CSMD1: variants seen among roughly 807,000 people sequenced by gnomAD.
The protein encoded by CSMD1 is CUB and sushi domain-containing protein 1.
CSMD1 carries 213 observed loss-of-function variants against 417.5 expected under a neutral mutation model. The ratio of observed to expected loss-of-function variants is 0.51; its 90% CI spans 0.46 to 0.57. The LOEUF (loss-of-function observed/expected upper bound fraction) is 0.57, where lower values mean the gene tolerates loss of function less well. Ranked by LOEUF, CSMD1 falls within the 20% of genes least tolerant of loss-of-function variation. The pLI, the probability that CSMD1 is intolerant of heterozygous loss-of-function variation, is 0.00. For synonymous variants in CSMD1, 2,862 were observed against 1,736.8 expected (o/e 1.65, Z -16.11); for missense variants, 6,923 against 4,529.7 (o/e 1.53, Z -15.17).
In CSMD1 at chr8:4,067,314, G is replaced by A. The variant is rs542550774; in HGVS notation, c.416-35215C>T. On this transcript the variant is annotated intron_variant, in intron 3 of 69. Transcript: ENST00000635120. ...CAAATCTCCGCCATACTAAATTTTC[G>A]TTAAGTAACGTTTTCAAGTAAGGTA... 1.3e-4 allele frequency among the ~76,000 whole-genome samples: 20 copies of A among 152,202 alleles called. No homozygotes were observed. The South Asian group carries it at 1.9e-3, about 14-fold the overall frequency.
chr8:4,753,403 C>CCACACACACA (rs71209121), intron 1 of CSMD1, among the ~76,000 whole-genome samples: 12 of 137,892 alleles, frequency 8.7e-5, no homozygotes, highest in East Asian at 2.0e-4. Context: ...CCACCATAAA[C>CCACACACACA]CACACACACA....
intron 3 of CSMD1, among the ~76,000 whole-genome samples, chr8:4,308,690 T>A (rs550250682): frequency 2.0e-5 from 3 of 152,232 alleles, no homozygotes; most frequent in Admixed American, 6.5e-5. Context: ...CTGGGTGCTT[T>A]TGGAGTTTAA....
chr8:3,387,310 A>G (rs1394582402), intron 18 of CSMD1, among the ~76,000 whole-genome samples, 184 bp downstream of exon 18: 1 of 152,210 alleles, frequency 6.6e-6, no homozygotes, highest in East Asian at 1.9e-4. Flanking sequence ...TCTAGTACAT[A>G]CACGGTGGTA....
chr8:4,002,983 C>T (rs1327589059), intron 4 of CSMD1, among the ~76,000 whole-genome samples: 3 of 151,992 alleles, frequency 2.0e-5, no homozygotes, highest in African/African-American at 7.3e-5. Context: ...GTAAACCAAT[C>T]TACCTGTTTA....
At chr8:3,898,715 T>C (rs1036440557) in intron 5 of CSMD1, among the ~76,000 whole-genome samples, 7 of 152,216 alleles carry the variant, frequency 4.6e-5, no homozygotes, top group Non-Finnish European at 1.0e-4. Context: ...GGTGTAGGAA[T>C]TCCTGAGCAG....
chr8:4,771,789 C>T (rs1160445434), intron 1 of CSMD1, among the ~76,000 whole-genome samples: 1 of 152,154 alleles, frequency 6.6e-6, no homozygotes, highest in South Asian at 2.1e-4. Flanking sequence ...TTTCCACATC[C>T]CTGATGTTCC....
At chr8:4,749,111 C>T (rs1032724053) in intron 1 of CSMD1, among the ~76,000 whole-genome samples, 1 of 152,206 alleles carries the variant, frequency 6.6e-6, no homozygotes, top group Admixed American at 6.5e-5. Flanking sequence ...ACTCGCTTTG[C>T]TAATTTCACT....
chr8:4,055,046 A>T (rs972665126), intron 3 of CSMD1, among the ~76,000 whole-genome samples: 1 of 152,194 alleles, frequency 6.6e-6, no homozygotes, highest in Non-Finnish European at 1.5e-5. Flanking sequence ...TTACATGAAT[A>T]TACTATATTC....
intron 3 of CSMD1, among the ~76,000 whole-genome samples, chr8:4,154,032 T>C (rs558719368): frequency 6.6e-5 from 10 of 152,308 alleles, no homozygotes; most frequent in South Asian, 4.1e-4. Flanking sequence ...TATTTTCAGC[T>C]TGCTGCCACA....
At chr8:3,872,388 C>A (rs915536341) in intron 5 of CSMD1, among the ~76,000 whole-genome samples, 3 of 152,140 alleles carry the variant, frequency 2.0e-5, no homozygotes, top group African/African-American at 7.2e-5. Context: ...TTCAGTGACT[C>A]TCAACTGTTC....
intron 6 of CSMD1, among the ~76,000 whole-genome samples, chr8:3,740,855 C>G (rs1333904087): frequency 6.6e-6 from 1 of 151,994 alleles, no homozygotes; most frequent in Non-Finnish European, 1.5e-5. Context: ...GAGAGTATAG[C>G]AGAGAGGATG....
chr8:3,267,306 C>G (rs1018613654), intron 26 of CSMD1, among the ~76,000 whole-genome samples: 3 of 152,206 alleles, frequency 2.0e-5, no homozygotes. Context: ...GGCGTGATAT[C>G]CCACTGGGTC....
intron 26 of CSMD1, among the ~76,000 whole-genome samples, chr8:3,253,206 C>T (rs1695562189): frequency 1.3e-5 from 2 of 151,864 alleles, no homozygotes; most frequent in South Asian, 4.2e-4. Context: ...TTGTATGTGT[C>T]CCAGAGATTC....
At chr8:3,088,872 A>C (rs553406178) in intron 48 of CSMD1, among the ~76,000 whole-genome samples, 1 of 152,076 alleles carries the variant, frequency 6.6e-6, no homozygotes, top group Non-Finnish European at 1.5e-5. Context: ...AAGTTAATAA[A>C]AAATAGAAGG....
At chr8:4,158,052 C>A (rs1176443409) in intron 3 of CSMD1, among the ~76,000 whole-genome samples, 2 of 151,980 alleles carry the variant, frequency 1.3e-5, no homozygotes, top group Non-Finnish European at 2.9e-5. Flanking sequence ...CTCCTGCTAC[C>A]CCTACCCCTG....
At chr8:4,177,166 C>A (rs550640657) in intron 3 of CSMD1, among the ~76,000 whole-genome samples, 2 of 152,228 alleles carry the variant, frequency 1.3e-5, no homozygotes, top group South Asian at 4.1e-4. Context: ...CCAAAATTGA[C>A]CACATAGCTG....
intron 5 of CSMD1, among the ~76,000 whole-genome samples, chr8:3,856,671 G>C (rs1270872678): frequency 3.3e-5 from 5 of 152,156 alleles, no homozygotes; most frequent in African/African-American, 9.7e-5. Flanking sequence ...GAACTCCTAA[G>C]TGCCCACATG....
At chr8:3,359,419 C>G in intron 20 of CSMD1, 79 bp from the exon 21 acceptor site, 1 of 808,576 alleles carries the variant, frequency 1.2e-6, no homozygotes, top group Non-Finnish European at 1.8e-6. Flanking sequence ...ATAAAAAGTG[C>G]TATTACTAAA....
chr8:4,018,169 AAAAT>A lies in CSMD1; in HGVS notation c.610+13732_610+13735del, dbSNP rs757685930. 9.9e-5 allele frequency among the ~76,000 whole-genome samples: 15 copies of A among 152,224 alleles called. 2 individuals carry two copies. Among genetic ancestry groups the A allele is most frequent in the African/African-American group, 1.7e-4 (7 of 41,446 alleles). ...CTTTTTTCAAAGAAACCCTTTATAA[AAAAT>A]AAATACACATCTTTTACATAATTTA... On this transcript the variant is annotated intron_variant, in intron 4 of 69. Coordinates refer to ENST00000635120, the MANE Select transcript of CSMD1 (RefSeq NM_033225.6).
Sources: allele counts gnomAD v4.1 joint callset (sites outside exome capture counted in the v4.1 genomes callset), GRCh38; gene constraint gnomAD v4.1.1; transcripts MANE v1.5; gene names NCBI Gene and HGNC (gene_info 2026-07-23, HGNC 2026-07-21).